The following TMEM121 variants were observed in gnomAD, a reference collection of about 807,000 sequenced individuals.
TMEM121 encodes transmembrane protein 121.
Under a neutral mutation model 16.4 loss-of-function variants are expected in TMEM121, and 8 were observed. That is an observed-to-expected ratio of 0.49 (90% CI 0.29 to 0.88). TMEM121 has a LOEUF of 0.88. TMEM121 is among the 40% of genes least tolerant of loss of function. TMEM121 has a pLI of 0.09. For missense variants in TMEM121, 401 were observed against 462.0 expected, an observed-to-expected ratio of 0.87 and a Z score of 1.21; for synonymous variants, 235 against 226.2, an observed-to-expected ratio of 1.04 and a Z score of -0.35.
chr14:105,529,689 G>T lies in TMEM121; in HGVS notation c.855G>T (p.Pro285=), dbSNP rs782343629. The stretch of plus-strand genomic sequence containing the variant: ...CTGCGCTATCACTGGAGCTGCAGCC[G>T]CCACCCCCGCAGCGCAACTCGGTGC... ...PPPALSLELQ[P]PPPQRNSVPP... is the part of the protein sequence containing the mutation. The change falls in exon 2 of 2, where the codon CCG becomes CCT. Residue 285 remains proline (P), a synonymous_variant. Transcript: ENST00000392519. 7 of 1,548,226 alleles carry T rather than the reference G, an allele frequency of 4.5e-6. No homozygotes were observed. The highest frequency in any genetic ancestry group is 6.1e-6 in the Non-Finnish European group (7 of 1,155,294).
chr14:105,529,219 G>T lies in TMEM121; in HGVS notation c.385G>T (p.Val129Leu). ...TGTGCCCGGCCTGTTCCTGCTGCTC[G>T]TGGCGCTGGACCGCATGGAGTACGT... ...VCVPGLFLLL[V>L]ALDRMEYVRT... The change falls in exon 2 of 2, where the codon GTG becomes TTG. Residue 129 changes from valine (V) to leucine (L), a missense_variant. Val to Leu is a conservative substitution (Grantham distance 32). Coordinates refer to ENST00000392519, the MANE Select transcript of TMEM121 (RefSeq NM_025268.4). 2.5e-6 allele frequency: 4 copies of T among 1,575,336 alleles called. No homozygotes were observed. Among genetic ancestry groups the T allele is most frequent in the Non-Finnish European group, 2.6e-6 (3 of 1,163,330 alleles).
At position 105,529,283 on chromosome 14, in the gene TMEM121, T is replaced by A; in HGVS notation, c.449T>A (p.Leu150Gln). The change falls in exon 2 of 2, where the codon CTG becomes CAG. Residue 150 changes from leucine to glutamine, a missense_variant. Transcript: ENST00000392519. ...FRKREDLRGR[L>Q]FWVALDLLDL... Reference sequence around the variant, plus strand: ...AAGCGCGAGGACCTGCGCGGCCGCCTGTTTTGGGTGGCGCTGGACCTGCTG... The same window carrying A: ...AAGCGCGAGGACCTGCGCGGCCGCCAGTTTTGGGTGGCGCTGGACCTGCTG... 6.5e-7 allele frequency: 1 copy of A among 1,542,226 alleles called. No homozygotes were observed. Among genetic ancestry groups the A allele is most frequent in the Non-Finnish European group, 8.7e-7 (1 of 1,147,636 alleles).
At position 105,529,163 on chromosome 14, in the gene TMEM121, G is replaced by C; in HGVS notation, c.329G>C (p.Arg110Pro). ...CGCGGCGCGGCGGACCCCGTGGCGC[G>C]CAAGGCGCTGACGCTGCTGCTGTCT... ...ARRGAADPVA[R>P]KALTLLLSVC... Residue 110 changes from arginine (R) to proline (P), a missense_variant, in exon 2 of 2, where the codon CGC becomes CCC. Coordinates refer to ENST00000392519, the MANE Select transcript of TMEM121 (RefSeq NM_025268.4). 6.3e-7 allele frequency: 1 copy of C among 1,591,134 alleles called. No homozygotes were observed. The highest frequency in any genetic ancestry group is 8.5e-7 in the Non-Finnish European group (1 of 1,171,312).
At chr14:105,527,731 G>T (rs2084600654) in intron 1 of TMEM121, among the ~76,000 whole-genome samples, 1 of 151,960 alleles carries the variant, frequency 6.6e-6, no homozygotes, top group African/African-American at 2.4e-5. Flanking sequence ...GCAGTAAACG[G>T]AGCCCCAGGC....
chr14:105,529,931 C>T lies in TMEM121; in HGVS notation c.*137C>T. ...CCTCGAGTGCCCGTGCCTGGGGTCC[C>T]GCGGCCGCTTCTTCATCTCAGGAAT... is the stretch of plus-strand genomic sequence containing the variant. On this transcript the variant is annotated 3_prime_UTR_variant, in exon 2 of 2. Transcript: ENST00000392519. 2 of 847,290 alleles carry T rather than the reference C, an allele frequency of 2.4e-6. No individual in the cohort carries two copies. The highest frequency in any genetic ancestry group is 2.5e-5 in the South Asian group (1 of 39,414). 52.5% of individuals were successfully genotyped at this position (847,290 alleles called of 1,614,324 possible).
chr14:105,529,740 C>T lies in TMEM121; in HGVS notation c.906C>T (p.Gly302=), dbSNP rs895624821. The T allele has an allele frequency of 6.4e-5, 96 of 1,508,128 alleles. No homozygotes were observed. Among genetic ancestry groups the T allele is most frequent in the Non-Finnish European group, 7.5e-5 (85 of 1,136,564 alleles). 93.4% of individuals were successfully genotyped at this position (1,508,128 alleles called of 1,614,324 possible). A position where few individuals can be genotyped will look rare whatever the true frequency, so the allele number is the denominator to read the frequency against. ...CGCCGCCGCCGCCGCCGCTGCACGG[C>T]CCGCCTGGGCGCCCCCACATGTCCT... ...SVPPPPPPLH[G]PPGRPHMSSP... Residue 302 remains glycine (G), a synonymous_variant, in exon 2 of 2, where the codon GGC becomes GGT. Coordinates refer to ENST00000392519, the MANE Select transcript of TMEM121 (RefSeq NM_025268.4).
chr14:105,528,657 G>T, intron 1 of TMEM121, 65 bp from the exon 2 acceptor site: 1 of 487,172 alleles, frequency 2.1e-6, no homozygotes. Flanking sequence ...GGTGCGGGGG[G>T]CGGGGGGTGT....
In TMEM121 at chr14:105,529,452, C is replaced by A. The variant is rs1555444266; in HGVS notation, c.618C>A (p.Gly206=). ...CVALSEVSMQ[G]EHIAPQKMML... is the part of the protein sequence containing the mutation. ...CGCTCAGCGAGGTCAGCATGCAGGGCGAGCACATAGCGCCGCAGAAGATGA... is the reference window on the plus strand; with the variant it reads ...CGCTCAGCGAGGTCAGCATGCAGGGAGAGCACATAGCGCCGCAGAAGATGA... Residue 206 remains glycine (G), a synonymous_variant, in exon 2 of 2, where the codon GGC becomes GGA. Transcript: ENST00000392519. 2 of 1,546,416 alleles carry A rather than the reference C, an allele frequency of 1.3e-6. No individual in the cohort carries two copies. Among genetic ancestry groups the A allele is most frequent in the Non-Finnish European group, 1.7e-6 (2 of 1,146,846 alleles).
Position 105,528,764 on chromosome 14 carries a change from GA to G in TMEM121, c.-70del. On this transcript the variant is annotated 5_prime_UTR_variant, in exon 2 of 2. It removes the in-frame stop codon of an upstream open reading frame in the 5' UTR. Transcript: ENST00000392519. ...CCGTGTCGCGCCATGCCCGCTGGCTGAGCGCCGCAGGGCCTCGTCCCGCCAG... is the reference window on the plus strand; with the variant it reads ...CCGTGTCGCGCCATGCCCGCTGGCTGGCGCCGCAGGGCCTCGTCCCGCCAG... The G allele has an allele frequency of 1.7e-6, 2 of 1,191,218 alleles. No homozygotes were observed. Among genetic ancestry groups the G allele is most frequent in the Non-Finnish European group, 2.1e-6 (2 of 963,686 alleles). The allele number at this position is 1,191,218 out of a possible 1,614,324, so 73.8% of individuals were successfully genotyped here. A position where few individuals can be genotyped will look rare whatever the true frequency, so the allele number is the denominator to read the frequency against.
intron 1 of TMEM121, among the ~76,000 whole-genome samples, chr14:105,528,200 A>T (rs1163295348): frequency 6.6e-6 from 1 of 151,386 alleles, no homozygotes; most frequent in East Asian, 1.9e-4. Context: ...TGTGGGACGG[A>T]TGCATCGGGA....
intron 1 of TMEM121, among the ~76,000 whole-genome samples, chr14:105,527,751 T>C (rs2141831616): frequency 6.7e-6 from 1 of 150,164 alleles, no homozygotes; most frequent in Admixed American, 6.6e-5. Context: ...CCTGGGGCTG[T>C]GGAGGGGGTG....
rs1444260548 is a variant in TMEM121 at position 105,529,703 on chromosome 14, G to A, written c.869G>A (p.Arg290His). The A allele has an allele frequency of 1.3e-6, 2 of 1,526,846 alleles. No homozygotes were observed. Among genetic ancestry groups the A allele is most frequent in the African/African-American group, 1.5e-5 (1 of 64,868 alleles). 94.6% of individuals were successfully genotyped at this position (1,526,846 alleles called of 1,614,324 possible). ...GAGCTGCAGCCGCCACCCCCGCAGC[G>A]CAACTCGGTGCCGCCGCCGCCGCCG... The part of the protein sequence containing the change: ...SLELQPPPPQ[R>H]NSVPPPPPPL... Residue 290 changes from arginine to histidine, a missense_variant, in exon 2 of 2, where the codon CGC (arginine) becomes CAC (histidine). By Grantham distance (29) the Arg-to-His change is conservative. Transcript: ENST00000392519.
chr14:105,526,756 G>T lies in TMEM121; in HGVS notation c.-114+103G>T. 6.6e-6 allele frequency: 1 copy of T among 152,468 alleles called. No individual in the cohort carries two copies. Among genetic ancestry groups the T allele is most frequent in the South Asian group, 1.8e-4 (1 of 5,496 alleles). The allele number at this position is 152,468 out of a possible 1,614,324, so 9.4% of individuals were successfully genotyped here. ...CACCTCTGGGCCGTGGGGACTGTGGGGTGGGGCGGGGGCCGATGCGGCAGG... is the reference window on the plus strand; with the variant it reads ...CACCTCTGGGCCGTGGGGACTGTGGTGTGGGGCGGGGGCCGATGCGGCAGG... On this transcript the variant is annotated intron_variant, in intron 1 of 1. Coordinates refer to ENST00000392519, the MANE Select transcript of TMEM121 (RefSeq NM_025268.4). The surrounding 1 kb of genome is among the most constrained non-coding windows in gnomAD (Gnocchi z 6.8).
Position 105,529,185 on chromosome 14 carries a change from G to C in TMEM121, c.351G>C (p.Leu117=). The C allele has an allele frequency of 6.3e-7, 1 of 1,585,230 alleles. No homozygotes were observed. Among genetic ancestry groups the C allele is most frequent in the South Asian group, 1.1e-5 (1 of 88,406 alleles). ...PVARKALTLL[L]SVCVPGLFLL... ...CGCGCAAGGCGCTGACGCTGCTGCT[G>C]TCTGTGTGTGTGCCCGGCCTGTTCC... Residue 117 remains leucine, a synonymous_variant, in exon 2 of 2, where the codon CTG becomes CTC. Coordinates refer to ENST00000392519, the MANE Select transcript of TMEM121 (RefSeq NM_025268.4).
rs1263142750 is a variant in TMEM121, at chr14:105,529,731, G to C, written c.897G>C (p.Pro299=). The C allele has an allele frequency of 6.6e-7, 1 of 1,519,304 alleles. No homozygotes were observed. The allele number at this position is 1,519,304 out of a possible 1,614,324, so 94.1% of individuals were successfully genotyped here. A position where few individuals can be genotyped will look rare whatever the true frequency, so the allele number is the denominator to read the frequency against. ...QRNSVPPPPP[P]LHGPPGRPHM... The stretch of plus-strand genomic sequence containing the variant: ...ACTCGGTGCCGCCGCCGCCGCCGCC[G>C]CTGCACGGCCCGCCTGGGCGCCCCC... The change falls in exon 2 of 2, where the codon CCG becomes CCC. Residue 299 remains proline (P), a synonymous_variant. Coordinates refer to ENST00000392519, the MANE Select transcript of TMEM121 (RefSeq NM_025268.4).
intron 1 of TMEM121, among the ~76,000 whole-genome samples, chr14:105,528,095 C>T (rs2084603674): frequency 6.6e-6 from 1 of 151,722 alleles, no homozygotes; most frequent in Non-Finnish European, 1.5e-5. Context: ...GGCCACGCGC[C>T]CAGGATGGTG....
chr14:105,527,084 G>T (rs2084594054), intron 1 of TMEM121: 1 of 152,734 alleles, frequency 6.5e-6, no homozygotes, highest in Admixed American at 6.5e-5. Flanking sequence ...AGGACAGGTG[G>T]GCCTGGGGCC....
rs782675568 is a variant in TMEM121, at chr14:105,529,668, G to T, written c.834G>T (p.Ala278=). 1 of 1,568,542 alleles carries T rather than the reference G, an allele frequency of 6.4e-7. No homozygotes were observed. The highest frequency in any genetic ancestry group is 1.2e-5 in the South Asian group (1 of 86,574). The stretch of plus-strand genomic sequence containing the variant: ...AGGTGCGCGACTTCCCGCCGCCTGC[G>T]CTATCACTGGAGCTGCAGCCGCCAC... ...RRQVRDFPPP[A]LSLELQPPPP... is the part of the protein sequence containing the mutation. The change falls in exon 2 of 2, where the codon GCG becomes GCT. Residue 278 remains alanine, a synonymous_variant. Transcript: ENST00000392519.
chr14:105,528,618 G>T (rs2084608684), intron 1 of TMEM121, 104 bp from the exon 2 acceptor site: 1 of 320,994 alleles, frequency 3.1e-6, no homozygotes, highest in Non-Finnish European at 5.0e-6. Flanking sequence ...GCCCCGGCGC[G>T]GAGACCGCGC....
Sources: gnomAD v4.1 joint callset for allele counts (sites outside exome capture counted in the v4.1 genomes callset) on GRCh38, gnomAD v4.1.1 for gene constraint, Gnocchi (gnomAD v3.1) non-coding constraint, MANE v1.5 for transcripts, NCBI Gene and HGNC (gene_info 2026-07-23, HGNC 2026-07-21) for gene names.